LNX2: variants seen among roughly 807,000 people sequenced by gnomAD.
The protein encoded by LNX2 is ligand of numb-protein X 2.
A neutral mutation model predicts 66.2 loss-of-function variants in LNX2; 35 were observed. The ratio of observed to expected loss-of-function variants is 0.53; its 90% CI spans 0.40 to 0.70. LNX2 has a LOEUF of 0.70. Among genes scored for constraint, LNX2 ranks in the 30% least tolerant of loss-of-function variants. LNX2 has a pLI of 0.00. For missense variants in LNX2, 791 were observed against 850.8 expected (o/e 0.93, Z 0.87); for synonymous variants, 337 against 315.6 (o/e 1.07, Z -0.72).
chr13:27,578,928 T>C (rs868159734), intron 2 of LNX2, among the ~76,000 whole-genome samples: 1 of 152,174 alleles, frequency 6.6e-6, no homozygotes, highest in African/African-American at 2.4e-5. Context: ...TGTCAGTGTG[T>C]CTGGGGTGGT....
chr13:27,568,932 T>A, intron 3 of LNX2, 97 bp downstream of exon 3: 3 of 1,312,754 alleles, frequency 2.3e-6, no homozygotes, highest in Non-Finnish European at 3.1e-6. Flanking sequence ...TTTTATTTTT[T>A]AAATTTTTCT....
chr13:27,550,277 A>G, intron 9 of LNX2, 56 bp downstream of exon 9: 1 of 1,508,136 alleles, frequency 6.6e-7, no homozygotes, highest in South Asian at 1.2e-5. Flanking sequence ...CCCCTGGTCT[A>G]GATCATGTCC....
chr13:27,551,526 A>G (rs548402165), intron 8 of LNX2, among the ~76,000 whole-genome samples: 1 of 152,076 alleles, frequency 6.6e-6, no homozygotes, highest in African/African-American at 2.4e-5. Context: ...TCTTCATAAT[A>G]AATAAATATC....
chr13:27,551,575 G>C (rs946559528), intron 8 of LNX2, among the ~76,000 whole-genome samples: 8 of 151,554 alleles, frequency 5.3e-5, no homozygotes, highest in Middle Eastern at 3.2e-3. Context: ...ATGCACGGAA[G>C]GCAAGGTTTC....
At chr13:27,550,961 A>G (rs770146782) in intron 8 of LNX2, among the ~76,000 whole-genome samples, 4 of 152,226 alleles carry the variant, frequency 2.6e-5, no homozygotes, top group Non-Finnish European at 5.9e-5. Flanking sequence ...AAGAAGGCAG[A>G]TAATTATCTC....
At chr13:27,578,418 A>G (rs929519875) in intron 2 of LNX2, among the ~76,000 whole-genome samples, 1 of 152,210 alleles carries the variant, frequency 6.6e-6, no homozygotes, top group African/African-American at 2.4e-5. Context: ...AGTCGTAGTA[A>G]TCATATTCTG....
chr13:27,594,694 G>C (rs577089066), intron 1 of LNX2, among the ~76,000 whole-genome samples: 1 of 151,840 alleles, frequency 6.6e-6, no homozygotes, highest in Admixed American at 6.6e-5. Flanking sequence ...TAAATGATCC[G>C]CTTCCTCAAG....
In LNX2 at chr13:27,593,909, T is replaced by G. The variant is rs142943635; in HGVS notation, c.-100-12106A>C. On this transcript the variant is annotated intron_variant, in intron 1 of 9. Transcript: ENST00000316334. ...CCACGCCCAGTCTGCTGGCTGAAATTATACCATTCTTGTTCTTGTTCTCAT... is the reference window on the plus strand; with the variant it reads ...CCACGCCCAGTCTGCTGGCTGAAATGATACCATTCTTGTTCTTGTTCTCAT... 3.6e-3 allele frequency among the ~76,000 whole-genome samples: 548 copies of G among 152,058 alleles called. 2 individuals carry two copies. The highest frequency in any genetic ancestry group is 5.1e-3 in the Non-Finnish European group (345 of 67,956).
intron 6 of LNX2, among the ~76,000 whole-genome samples, chr13:27,557,496 T>C (rs1955077415): frequency 6.6e-6 from 1 of 152,110 alleles, no homozygotes; most frequent in Non-Finnish European, 1.5e-5. Context: ...GTGTACAGTG[T>C]AAGATAATGT....
chr13:27,575,048 C>T (rs907371025), intron 2 of LNX2, among the ~76,000 whole-genome samples: 1 of 152,124 alleles, frequency 6.6e-6, no homozygotes, highest in African/African-American at 2.4e-5. Flanking sequence ...GCATGCTTAA[C>T]CTGCAAGAAA....
intron 1 of LNX2, among the ~76,000 whole-genome samples, chr13:27,587,571 AC>A (rs1293126225): frequency 6.6e-6 from 1 of 152,204 alleles, no homozygotes; most frequent in African/African-American, 2.4e-5. Context: ...CAACATATGA[AC>A]CCAGCCCGTT....
chr13:27,605,572 G>A (rs927200054), intron 1 of LNX2, among the ~76,000 whole-genome samples: 6 of 152,156 alleles, frequency 3.9e-5, no homozygotes, highest in African/African-American at 1.2e-4. Context: ...GAGTAAGACA[G>A]CTTTTAGATC....
chr13:27,585,786 T>C (rs1012715338), intron 1 of LNX2, among the ~76,000 whole-genome samples: 1 of 151,904 alleles, frequency 6.6e-6, no homozygotes, highest in Non-Finnish European at 1.5e-5. Flanking sequence ...TTTCTCTTCC[T>C]CAAGAAAAAT....
chr13:27,553,124 C>T (rs553400303), intron 8 of LNX2, 84 bp downstream of exon 8: 20 of 1,086,776 alleles, frequency 1.8e-5, no homozygotes, highest in African/African-American at 1.4e-4. Context: ...TTTATCCCAA[C>T]GAGTAAATTT....
At chr13:27,618,809 A>G (rs189373098) in intron 1 of LNX2, among the ~76,000 whole-genome samples, 75 of 152,332 alleles carry the variant, frequency 4.9e-4, no homozygotes, top group African/African-American at 1.8e-3. Flanking sequence ...AAAGACACAT[A>G]CATTTATTTT....
chr13:27,604,746 G>C (rs534291386), intron 1 of LNX2, among the ~76,000 whole-genome samples: 57 of 151,708 alleles, frequency 3.8e-4, no homozygotes, highest in African/African-American at 1.3e-3. Flanking sequence ...TGGCTCAAAG[G>C]GTTGAAACAA....
chr13:27,616,786 A>G (rs1218961), intron 1 of LNX2, among the ~76,000 whole-genome samples: 79,968 of 152,140 alleles, frequency 0.53, 21,633 homozygotes, highest in South Asian at 0.61. Context: ...GTCTAGCTCT[A>G]TCACCCAGGC....
In LNX2 at chr13:27,559,918, C is replaced by T. The variant is rs1295868363; in HGVS notation, c.1292G>A (p.Arg431Lys). The T allele has an allele frequency of 3.7e-6, 6 of 1,611,818 alleles. No individual in the cohort carries two copies. In the East Asian group the frequency reaches 8.9e-5, roughly 24 times the overall value. The change falls in exon 6 of 10, where the codon AGA becomes AAA. Residue 431 changes from arginine (R) to lysine (K), a missense_variant. Physicochemically the swap from Arg to Lys is conservative, Grantham distance 26. Transcript: ENST00000316334. Reference protein sequence around the residue: ...PGKPQPGNTIREAGNHSSSSQ... With the variant: ...PGKPQPGNTIKEAGNHSSSSQ... Reference sequence around the variant, plus strand: ...GCTGCTGCTATGATTTCCTGCTTCTCTAATGGTGTTACCAGGCTGGGGTTT... The same window carrying T: ...GCTGCTGCTATGATTTCCTGCTTCTTTAATGGTGTTACCAGGCTGGGGTTT...
chr13:27,555,874 CCTCT>C (rs1388071631), intron 7 of LNX2, among the ~76,000 whole-genome samples: 2 of 152,160 alleles, frequency 1.3e-5, no homozygotes, highest in Admixed American at 6.5e-5. Flanking sequence ...TGCTCCACCT[CCTCT>C]CTGAGTCCCC....
Sources: allele counts gnomAD v4.1 joint callset (sites outside exome capture counted in the v4.1 genomes callset), GRCh38; gene constraint gnomAD v4.1.1; transcripts MANE v1.5; gene names NCBI Gene and HGNC (gene_info 2026-07-23, HGNC 2026-07-21).